Variants in ZNF385D observed in about 807,000 individuals in gnomAD.
ZNF385D encodes the protein zinc finger protein 659.
In ZNF385D, 15 loss-of-function variants were observed where a neutral mutation model predicts 35.8. The observed-to-expected ratio is 0.42, with a 90% CI of 0.28 to 0.64. The LOEUF (loss-of-function observed/expected upper bound fraction) is 0.64, where lower values mean the gene tolerates loss of function less well. Ranked by LOEUF, ZNF385D falls within the 30% of genes least tolerant of loss-of-function variation. The pLI, the probability that ZNF385D is intolerant of heterozygous loss-of-function variation, is 0.23. For missense variants in ZNF385D, 474 were observed against 494.6 expected, an observed-to-expected ratio of 0.96 and a Z score of 0.39; for synonymous variants, 212 against 186.8, an observed-to-expected ratio of 1.13 and a Z score of -1.10.
At chr3:21,967,757 C>T (rs1264631549) in intron 3 of ZNF385D, among the ~76,000 whole-genome samples, 3 of 152,256 alleles carry the variant, frequency 2.0e-5, no homozygotes, top group African/African-American at 7.2e-5. Flanking sequence ...CTTGAGTGAC[C>T]AAAATTCCAA....
chr3:22,188,535 C>T (rs961391049), intron 2 of ZNF385D, among the ~76,000 whole-genome samples: 6 of 151,976 alleles, frequency 3.9e-5, no homozygotes, highest in Non-Finnish European at 7.4e-5. Context: ...CTGCAAGCTC[C>T]GCTTCCCAGG....
chr3:21,488,996 G>C (rs1384528539), intron 4 of ZNF385D, among the ~76,000 whole-genome samples: 1 of 152,122 alleles, frequency 6.6e-6, no homozygotes, highest in Non-Finnish European at 1.5e-5. Context: ...TTTGCAGTTA[G>C]AGTCTATTAA....
chr3:22,308,056 A>G (rs1323376737), intron 2 of ZNF385D, among the ~76,000 whole-genome samples: 1 of 152,124 alleles, frequency 6.6e-6, no homozygotes, highest in African/African-American at 2.4e-5. Flanking sequence ...AGGTCAAAAG[A>G]TTAGAGCAGG....
At chr3:21,954,109 A>G (rs1387523531) in intron 3 of ZNF385D, among the ~76,000 whole-genome samples, 4 of 151,936 alleles carry the variant, frequency 2.6e-5, no homozygotes, top group East Asian at 1.9e-4. Context: ...CATTTGGAAG[A>G]TAAGATACAA....
Position 21,802,996 on chromosome 3 carries a change from C to T in ZNF385D, c.326-137968G>A, listed in dbSNP as rs148813298. Reference sequence around the variant, plus strand: ...GTGGAAATTTGGATAAATTCCAAGTCTCAGGCTGATCCTTCAGGGAATTTT... The same window carrying T: ...GTGGAAATTTGGATAAATTCCAAGTTTCAGGCTGATCCTTCAGGGAATTTT... On this transcript the variant is annotated intron_variant, in intron 3 of 5. Transcript: ENST00000494108. Among the ~76,000 whole-genome samples, 748 of 152,266 alleles carry T rather than the reference C, an allele frequency of 4.9e-3. 2 individuals are homozygous for T. Among genetic ancestry groups the T allele is most frequent in the Non-Finnish European group, 8.6e-3 (586 of 68,028 alleles).
intron 2 of ZNF385D, among the ~76,000 whole-genome samples, chr3:22,185,771 T>C (rs1303566893): frequency 6.6e-6 from 1 of 152,186 alleles, no homozygotes; most frequent in Non-Finnish European, 1.5e-5. Flanking sequence ...CTGTCCACTT[T>C]CTTTTTTAAA....
intron 3 of ZNF385D, among the ~76,000 whole-genome samples, chr3:22,167,020 G>T (rs1706378633): frequency 6.6e-6 from 1 of 152,216 alleles, no homozygotes; most frequent in Non-Finnish European, 1.5e-5. Flanking sequence ...TTAAAATCAT[G>T]ACTTACTTTG....
At chr3:22,067,633 C>A (rs1214179967) in intron 3 of ZNF385D, among the ~76,000 whole-genome samples, 3 of 152,130 alleles carry the variant, frequency 2.0e-5, no homozygotes, top group Non-Finnish European at 2.9e-5. Context: ...TGTTATTATA[C>A]AAACAAATCA....
intron 2 of ZNF385D, among the ~76,000 whole-genome samples, chr3:22,191,718 A>C (rs1412233263): frequency 1.3e-5 from 2 of 152,192 alleles, no homozygotes; most frequent in African/African-American, 2.4e-5. Flanking sequence ...GTAAAACAGT[A>C]ATTAATGAAT....
intron 1 of ZNF385D, among the ~76,000 whole-genome samples, chr3:21,740,163 AC>A (rs1180325704): frequency 6.6e-6 from 1 of 152,172 alleles, no homozygotes; most frequent in Non-Finnish European, 1.5e-5. Flanking sequence ...TGGAGCTCAA[AC>A]CATGGACCAT....
intron 3 of ZNF385D, among the ~76,000 whole-genome samples, chr3:21,846,598 T>C (rs1390249899): frequency 1.3e-5 from 2 of 151,954 alleles, no homozygotes; most frequent in Non-Finnish European, 2.9e-5. Flanking sequence ...GACATGTTGC[T>C]GAAAAGAAGG....
chr3:21,702,556 C>A (rs1397623652), intron 1 of ZNF385D, among the ~76,000 whole-genome samples: 1 of 152,242 alleles, frequency 6.6e-6, no homozygotes, highest in African/African-American at 2.4e-5. Flanking sequence ...ATGCAAATTT[C>A]TGCAGCCAGC....
chr3:21,743,797 A>G (rs371685108), intron 1 of ZNF385D, among the ~76,000 whole-genome samples: 1 of 152,250 alleles, frequency 6.6e-6, no homozygotes, highest in South Asian at 2.1e-4. Context: ...ACACCGATGC[A>G]TGCCTTCTAA....
intron 1 of ZNF385D, among the ~76,000 whole-genome samples, chr3:21,687,593 T>C (rs949665313): frequency 1.3e-5 from 2 of 152,146 alleles, no homozygotes; most frequent in African/African-American, 4.8e-5. Context: ...CCAGGGTTCA[T>C]AGTTTACATT....
chr3:22,163,015 G>C (rs765111752), intron 3 of ZNF385D, among the ~76,000 whole-genome samples: 35 of 152,180 alleles, frequency 2.3e-4, no homozygotes, highest in Non-Finnish European at 4.6e-4. Context: ...TTGAAACAGA[G>C]ACATCAGCAA....
At chr3:21,647,981 C>A (rs2065803187) in intron 2 of ZNF385D, among the ~76,000 whole-genome samples, 1 of 152,128 alleles carries the variant, frequency 6.6e-6, no homozygotes, top group Non-Finnish European at 1.5e-5. Flanking sequence ...AAAGACTTGA[C>A]AAATCTAGAG....
At chr3:21,546,600 T>G (rs2125582546) in intron 3 of ZNF385D, among the ~76,000 whole-genome samples, 1 of 151,670 alleles carries the variant, frequency 6.6e-6, no homozygotes, top group East Asian at 2.0e-4. Context: ...AAGCTTTAGG[T>G]CAAAGCTCTA....
chr3:22,206,462 T>C (rs1697161022), intron 2 of ZNF385D, among the ~76,000 whole-genome samples: 1 of 151,962 alleles, frequency 6.6e-6, no homozygotes, highest in Admixed American at 6.6e-5. Context: ...TTTCATCCAG[T>C]TGCTGCAGAA....
chr3:21,742,636 C>G (rs1341564449), intron 1 of ZNF385D, among the ~76,000 whole-genome samples: 1 of 152,192 alleles, frequency 6.6e-6, no homozygotes, highest in Non-Finnish European at 1.5e-5. Flanking sequence ...TTCTGTCTCT[C>G]TCTGAGTGTA....
Sources: allele counts gnomAD v4.1 joint callset (sites outside exome capture counted in the v4.1 genomes callset), GRCh38; gene constraint gnomAD v4.1.1; transcripts MANE v1.5; gene names NCBI Gene and HGNC (gene_info 2026-07-23, HGNC 2026-07-21).